Variants in GNA13 observed in about 807,000 individuals in gnomAD.
The protein encoded by GNA13 is guanine nucleotide-binding protein subunit alpha-13.
A neutral mutation model predicts 33.5 loss-of-function variants in GNA13; 4 were observed. The observed-to-expected ratio is 0.12, with a 90% CI of 0.06 to 0.27. GNA13 has a LOEUF of 0.27. GNA13 is among the 10% of genes least tolerant of loss of function. The pLI is 1.00. For synonymous variants in GNA13, 176 were observed against 183.8 expected, an observed-to-expected ratio of 0.96 and a Z score of 0.34; for missense variants, 319 against 487.2, an observed-to-expected ratio of 0.65 and a Z score of 3.25.
intron 3 of GNA13, among the ~76,000 whole-genome samples, chr17:65,016,421 G>A (rs1021656274): frequency 1.3e-5 from 2 of 152,120 alleles, no homozygotes; most frequent in African/African-American, 4.8e-5. Flanking sequence ...GAGTGCAGTG[G>A]CGGAATCTCG....
chr17:65,048,056 T>G (rs527997105), intron 2 of GNA13, among the ~76,000 whole-genome samples: 41 of 152,250 alleles, frequency 2.7e-4, no homozygotes, highest in African/African-American at 9.6e-4. Flanking sequence ...AAAAACACTT[T>G]GGTTTCAGGA....
Position 65,056,538 on chromosome 17 carries a change from A to T in GNA13, c.56T>A (p.Leu19Gln). The change falls in exon 1 of 4, where the codon CTG becomes CAG. Residue 19 changes from leucine to glutamine, a missense_variant. Physicochemically the swap from Leu to Gln is moderately radical, Grantham distance 113. Coordinates refer to ENST00000439174, the MANE Select transcript of GNA13 (RefSeq NM_006572.6). ...CTGCTCGGCCTCGCCACTCGTCAGC[A>T]GGCAGCCGGGGAAGCACACGGACAG... ...SVLSVCFPGCLLTSGEAEQQR... is the reference protein window; with the variant it reads ...SVLSVCFPGCQLTSGEAEQQR... 6.2e-7 allele frequency: 1 copy of T among 1,612,732 alleles called. No individual in the cohort carries two copies. Among genetic ancestry groups the T allele is most frequent in the Non-Finnish European group, 8.5e-7 (1 of 1,179,704 alleles).
intron 2 of GNA13, among the ~76,000 whole-genome samples, chr17:65,031,356 A>G (rs1907001376): frequency 6.6e-6 from 1 of 152,228 alleles, no homozygotes; most frequent in South Asian, 2.1e-4. Context: ...TTTTATATGC[A>G]GTCAGTCCTT....
intron 3 of GNA13, among the ~76,000 whole-genome samples, chr17:65,017,754 C>T (rs1270937511): frequency 2.0e-5 from 3 of 152,090 alleles, no homozygotes; most frequent in Non-Finnish European, 4.4e-5. Flanking sequence ...GGCATGAATT[C>T]GAAAATGTCA....
chr17:65,056,354 C>G lies in GNA13; in HGVS notation c.240G>C (p.Ala80=), dbSNP rs1908059920. The part of the protein sequence containing the change: ...IIHGQDFDQR[A]REEFRPTIYS... ...AGATGGTGGGGCGGAACTCCTCGCG[C>G]GCGCGCTGGTCGAAGTCCTGCCCGT... The change falls in exon 1 of 4, where the codon GCG becomes GCC. Residue 80 remains alanine (A), a synonymous_variant. Coordinates refer to ENST00000439174, the MANE Select transcript of GNA13 (RefSeq NM_006572.6). 7 of 1,612,372 alleles carry G rather than the reference C, an allele frequency of 4.3e-6. No individual in the cohort carries two copies. Among genetic ancestry groups the G allele is most frequent in the Non-Finnish European group, 5.9e-6 (7 of 1,179,648 alleles).
chr17:65,043,291 ATTT>A (rs5821633), intron 2 of GNA13, among the ~76,000 whole-genome samples: 3 of 145,692 alleles, frequency 2.1e-5, no homozygotes, highest in Non-Finnish European at 1.5e-5. Context: ...ATGTTTATTA[ATTT>A]TTTTTTTTTT....
chr17:65,018,249 T>C lies in GNA13; in HGVS notation c.561+4A>G. Reference sequence around the variant, plus strand: ...AAACATAAACATTTGGTTTAAACACTTACTGGTTCTCCAAGTTTATCCAAG... The same window carrying C: ...AAACATAAACATTTGGTTTAAACACCTACTGGTTCTCCAAGTTTATCCAAG... On this transcript the variant is annotated splice_donor_region_variant and intron_variant, in intron 3 of 3. Coordinates refer to ENST00000439174, the MANE Select transcript of GNA13 (RefSeq NM_006572.6). 6.7e-7 allele frequency: 1 copy of C among 1,481,544 alleles called. No individual in the cohort carries two copies. Among genetic ancestry groups the C allele is most frequent in the Non-Finnish European group, 9.4e-7 (1 of 1,060,890 alleles). The allele number at this position is 1,481,544 out of a possible 1,614,324, so 91.8% of individuals were successfully genotyped here.
In GNA13 at chr17:65,012,835, C is replaced by T; in HGVS notation, c.*1422G>A. Reference sequence around the variant, plus strand: ...TAGAAAAGCTGTCAGACTTTTCAAGCTGTCGCCAGCCTTGGACTTCTGTTT... The same window carrying T: ...TAGAAAAGCTGTCAGACTTTTCAAGTTGTCGCCAGCCTTGGACTTCTGTTT... On this transcript the variant is annotated 3_prime_UTR_variant, in exon 4 of 4. Transcript: ENST00000439174. 1 of 218,414 alleles carries T rather than the reference C, an allele frequency of 4.6e-6. No individual in the cohort carries two copies. The highest frequency in any genetic ancestry group is 9.2e-6 in the Non-Finnish European group (1 of 108,640). 13.5% of individuals were successfully genotyped at this position (218,414 alleles called of 1,614,324 possible).
chr17:65,037,796 A>AAAAAAAAAAAAC (rs1907309803), intron 2 of GNA13, among the ~76,000 whole-genome samples: 4 of 150,164 alleles, frequency 2.7e-5, no homozygotes, highest in South Asian at 2.1e-4. Flanking sequence ...AAAAAAAAAA[A>AAAAAAAAAAAAC]AAAAGACAAA....
intron 2 of GNA13, among the ~76,000 whole-genome samples, chr17:65,045,768 C>T (rs899120216): frequency 3.9e-5 from 6 of 152,152 alleles, no homozygotes; most frequent in South Asian, 2.1e-4. Context: ...AAAATAACTA[C>T]GTGACTATCA....
rs139693919 is a variant in GNA13 at position 65,051,304 on chromosome 17, A to G, written c.510+2198T>C. On this transcript the variant is annotated intron_variant, in intron 2 of 3. Coordinates refer to ENST00000439174, the MANE Select transcript of GNA13 (RefSeq NM_006572.6). Reference sequence around the variant, plus strand: ...GAAAATGAACTAAGAAGAAAGGAGAATAAGCAGCACTTAAAAACAGGAGGT... The same window carrying G: ...GAAAATGAACTAAGAAGAAAGGAGAGTAAGCAGCACTTAAAAACAGGAGGT... 1.7e-3 allele frequency among the ~76,000 whole-genome samples: 254 copies of G among 152,348 alleles called. 1 individual carries two copies. Among genetic ancestry groups the G allele is most frequent in the Admixed American group, 5.4e-3 (82 of 15,294 alleles).
In GNA13 at chr17:65,014,930, G is replaced by C. The variant is rs535414359; in HGVS notation, c.562-101C>G. The C allele has an allele frequency of 6.9e-5, 46 of 670,912 alleles. No individual in the cohort carries two copies. In the East Asian group the frequency reaches 1.1e-3, roughly 16 times the overall value. 41.6% of individuals were successfully genotyped at this position (670,912 alleles called of 1,614,324 possible). A position where few individuals can be genotyped will look rare whatever the true frequency, so the allele number is the denominator to read the frequency against. ...TAGTGAATAGATATGCAAACAAAAT[G>C]ATCTTTTAAGTGACATTTTCAGATA... On this transcript the variant is annotated intron_variant, in intron 3 of 3. Coordinates refer to ENST00000439174, the MANE Select transcript of GNA13 (RefSeq NM_006572.6). This position sits in a 1 kb window ranked among gnomAD's most constrained non-coding sequence, Gnocchi z 5.3.
intron 2 of GNA13, among the ~76,000 whole-genome samples, chr17:65,031,092 A>G (rs185032240): frequency 2.3e-4 from 35 of 152,336 alleles, no homozygotes; most frequent in Admixed American, 2.3e-3. Flanking sequence ...ACCAAGTGCT[A>G]TAAAGAGCAG....
chr17:65,047,976 G>A (rs1431290382), intron 2 of GNA13, among the ~76,000 whole-genome samples: 2 of 152,014 alleles, frequency 1.3e-5, no homozygotes, highest in Non-Finnish European at 2.9e-5. Context: ...CTATCTTATC[G>A]GCTTCAAGAA....
chr17:65,047,540 T>C (rs1463050290), intron 2 of GNA13, among the ~76,000 whole-genome samples: 1 of 152,246 alleles, frequency 6.6e-6, no homozygotes, highest in South Asian at 2.1e-4. Context: ...TGCTTGACTA[T>C]ACTTATAGAG....
intron 2 of GNA13, chr17:65,053,253 G>A: frequency 8.8e-6 from 4 of 452,436 alleles, no homozygotes; most frequent in Non-Finnish European, 1.6e-5. Context: ...GTCTAAACTA[G>A]AAATTCATTT....
intron 2 of GNA13, among the ~76,000 whole-genome samples, chr17:65,031,689 A>C (rs1299723484): frequency 6.6e-6 from 1 of 152,124 alleles, no homozygotes; most frequent in Non-Finnish European, 1.5e-5. Context: ...ATTAGGCAGG[A>C]CTCATTAAGC....
intron 2 of GNA13, among the ~76,000 whole-genome samples, chr17:65,032,222 C>A (rs539892332): frequency 6.6e-6 from 1 of 152,038 alleles, no homozygotes; most frequent in Non-Finnish European, 1.5e-5. Context: ...CAAGACTTTT[C>A]GATTCAACCC....
rs2078783284 is a variant in GNA13, at chr17:65,014,362, G to A, written c.1029C>T (p.Tyr343=). 2 of 1,613,716 alleles carry A rather than the reference G, an allele frequency of 1.2e-6. No homozygotes were observed. Among genetic ancestry groups the A allele is most frequent in the Non-Finnish European group, 1.7e-6 (2 of 1,179,624 alleles). The change falls in exon 4 of 4, where the codon TAC becomes TAT. Residue 343 remains tyrosine, a synonymous_variant. Coordinates refer to ENST00000439174, the MANE Select transcript of GNA13 (RefSeq NM_006572.6). The surrounding 1 kb of genome is among the most constrained non-coding windows in gnomAD (Gnocchi z 5.3). The part of the protein sequence containing the change: ...KRRDQQQKPL[Y]HHFTTAINTE... ...TGTTGATAGCAGTGGTGAAGTGGTG[G>A]TATAAGGGCTTCTGTTGCTGGTCCC...
Sources: allele counts gnomAD v4.1 joint callset (sites outside exome capture counted in the v4.1 genomes callset), GRCh38; gene constraint gnomAD v4.1.1; non-coding constraint Gnocchi (gnomAD v3.1); transcripts MANE v1.5; gene names NCBI Gene and HGNC (gene_info 2026-07-23, HGNC 2026-07-21).